The following ZNF276 variants were observed in gnomAD, a reference collection of about 807,000 sequenced individuals.
The protein encoded by ZNF276 is zinc finger protein 276, also known as centromere protein Z.
Under a neutral mutation model 63.9 loss-of-function variants are expected in ZNF276, and 59 were observed. That is an observed-to-expected ratio of 0.92 (90% CI 0.75 to 1.15). The LOEUF (loss-of-function observed/expected upper bound fraction) is 1.15, where lower values mean the gene tolerates loss of function less well. ZNF276 is among the 50% of genes most tolerant of loss of function. The pLI is 0.00. For missense variants in ZNF276, 1,084 were observed against 843.8 expected, an observed-to-expected ratio of 1.28 and a Z score of -3.53; for synonymous variants, 496 against 348.4, an observed-to-expected ratio of 1.42 and a Z score of -4.72.
intron 9 of ZNF276, among the ~76,000 whole-genome samples, chr16:89,734,627 G>GTATC (rs113751108): frequency 0.045 from 6,788 of 152,190 alleles, 374 homozygotes; most frequent in African/African-American, 0.12. Context: ...CCAAACAAGT[G>GTATC]TATCTTAAAA....
At chr16:89,720,794 G>T, upstream of ZNF276, 1 of 1,460,204 alleles carries the variant, frequency 6.8e-7, no homozygotes, top group Non-Finnish European at 9.1e-7. Flanking sequence ...CAGCTCGATG[G>T]CCCCGTTGGC....
upstream of ZNF276, chr16:89,721,493 CCGCCCCGCCCGCCT>C: frequency 1.2e-6 from 1 of 806,278 alleles, no homozygotes; most frequent in Non-Finnish European, 1.8e-6. Context: ...GGCCCCTGGC[CCGCCCCGCCCGCCT>C]CGCTTTGCTT....
intron 9 of ZNF276, among the ~76,000 whole-genome samples, chr16:89,736,146 C>T (rs2061872682): frequency 6.6e-6 from 1 of 152,182 alleles, no homozygotes; most frequent in African/African-American, 2.4e-5. Flanking sequence ...CTGCCTCGGC[C>T]TCCCGAAGTG....
At chr16:89,736,771 G>A (rs529341050) in intron 9 of ZNF276, among the ~76,000 whole-genome samples, 2 of 128,320 alleles carry the variant, frequency 1.6e-5, no homozygotes, top group South Asian at 2.7e-4. Flanking sequence ...CTTCAACCTG[G>A]GCAACAGAGC....
chr16:89,737,598 C>A, intron 9 of ZNF276: 1 of 892,172 alleles, frequency 1.1e-6, no homozygotes, highest in Non-Finnish European at 1.6e-6. Flanking sequence ...CTGAAATGCA[C>A]ACAGCTGATG....
At chr16:89,723,112 T>C in intron 2 of ZNF276, 25 bp from the exon 3 acceptor site, 2 of 1,613,132 alleles carry the variant, frequency 1.2e-6, no homozygotes, top group Non-Finnish European at 8.5e-7. Context: ...CTTGTCCTGC[T>C]CATGGCCACA....
intron 8 of ZNF276, 108 bp downstream of exon 8, chr16:89,733,665 T>C (rs185012025): frequency 7.6e-6 from 10 of 1,322,744 alleles, no homozygotes; most frequent in African/African-American, 7.2e-5. Flanking sequence ...AAGGACACTT[T>C]GACCTAGGTT....
rs769505201 is a variant in ZNF276 at position 89,739,092 on chromosome 16, G to A, written c.*846G>A. 11 of 1,613,732 alleles carry A rather than the reference G, an allele frequency of 6.8e-6. No homozygotes were observed. The highest frequency in any genetic ancestry group is 1.7e-5 in the Admixed American group (1 of 60,000). On this transcript the variant is annotated 3_prime_UTR_variant, in exon 11 of 11. Transcript: ENST00000443381. ...CTTTGGCAGAAGGAGCCTCCGGCTG[G>A]GGGGAGCTCCCCTGGAGGTGGGACT...
intron 9 of ZNF276, among the ~76,000 whole-genome samples, chr16:89,734,349 G>C (rs771584903): frequency 1.3e-5 from 2 of 152,008 alleles, no homozygotes. Context: ...TTTTTGAGAC[G>C]GAGTCCTGCT....
chr16:89,736,896 C>G (rs1567586230), intron 9 of ZNF276, among the ~76,000 whole-genome samples: 1 of 150,444 alleles, frequency 6.6e-6, no homozygotes, highest in Non-Finnish European at 1.5e-5. Context: ...CAGAGCAAGA[C>G]TCAAGTCTCA....
chr16:89,739,514 TC>T lies in ZNF276; in HGVS notation c.*1270del, dbSNP rs2151712879. On this transcript the variant is annotated 3_prime_UTR_variant, in exon 11 of 11. Coordinates refer to ENST00000443381, the MANE Select transcript of ZNF276 (RefSeq NM_001113525.2). ...GAAAGGCAGCAGCCTGGTGTGCTGA[TC>T]CGGGGCCACACGGAGGAGGAGCCGC... 6.4e-7 allele frequency: 1 copy of T among 1,551,366 alleles called. No homozygotes were observed. The highest frequency in any genetic ancestry group is 2.4e-5 in the East Asian group (1 of 40,940).
upstream of ZNF276, chr16:89,720,836 G>A (rs1262543954): frequency 2.1e-6 from 3 of 1,436,438 alleles, no homozygotes; most frequent in Non-Finnish European, 2.8e-6. Flanking sequence ...CGGCTTCACC[G>A]TGCCGTCCCC....
In ZNF276 at chr16:89,723,298, T is replaced by C. The variant is rs2061366373; in HGVS notation, c.595T>C (p.Leu199=). ...ITSSPQCLHG[L]VGWVHGHAAS... Reference sequence around the variant, plus strand: ...ATCCAGCCCCCAGTGCCTGCACGGCTTGGTGGGGTGGGTGCATGGACATGC... The same window carrying C: ...ATCCAGCCCCCAGTGCCTGCACGGCCTGGTGGGGTGGGTGCATGGACATGC... Residue 199 remains leucine, a synonymous_variant, in exon 4 of 11, where the codon TTG becomes CTG. Coordinates refer to ENST00000443381, the MANE Select transcript of ZNF276 (RefSeq NM_001113525.2). The C allele has an allele frequency of 1.2e-6, 2 of 1,612,956 alleles. No homozygotes were observed. Among genetic ancestry groups the C allele is most frequent in the African/African-American group, 1.3e-5 (1 of 74,944 alleles).
intron 9 of ZNF276, 118 bp downstream of exon 9, chr16:89,734,156 T>C (rs1482426443): frequency 1.3e-5 from 11 of 861,984 alleles, no homozygotes; most frequent in African/African-American, 8.4e-5. Context: ...AGGTGGCTCA[T>C]GGGGTCTTTG....
chr16:89,739,583 T>C lies in ZNF276; in HGVS notation c.*1337T>C. 6.5e-7 allele frequency: 1 copy of C among 1,547,452 alleles called. No individual in the cohort carries two copies. The highest frequency in any genetic ancestry group is 8.7e-7 in the Non-Finnish European group (1 of 1,143,904). ...AACACCAAGAAGTGGCTCAGGCAAC[T>C]CTGGACATCTCTGCCTATTATCAGT... On this transcript the variant is annotated 3_prime_UTR_variant, in exon 11 of 11. Transcript: ENST00000443381.
Position 89,722,607 on chromosome 16 carries a change from C to G in ZNF276, c.282C>G (p.Ile94Met), listed in dbSNP as rs147776546. 1.2e-6 allele frequency: 2 copies of G among 1,612,064 alleles called. No homozygotes were observed. Among genetic ancestry groups the G allele is most frequent in the Non-Finnish European group, 1.7e-6 (2 of 1,180,022 alleles). Residue 94 changes from isoleucine (I) to methionine (M), a missense_variant, in exon 2 of 11, where the codon ATC (isoleucine) becomes ATG (methionine). Ile to Met is a conservative substitution (Grantham distance 10, BLOSUM62 1). Transcript: ENST00000443381. ...GKFSSRSLRS[I>M]SERAPGASME... ...TTTCCTCGAGAAGCCTGCGCAGCATCTCCGAGAGGGCGCCTGGAGCGAGCA... is the reference window on the plus strand; with the variant it reads ...TTTCCTCGAGAAGCCTGCGCAGCATGTCCGAGAGGGCGCCTGGAGCGAGCA...
rs921021256 is a variant in ZNF276, at chr16:89,740,709, C to A, written c.*2463C>A. 1.0e-6 allele frequency: 1 copy of A among 986,136 alleles called. No homozygotes were observed. Among genetic ancestry groups the A allele is most frequent in the Non-Finnish European group, 1.6e-6 (1 of 623,202 alleles). The allele number at this position is 986,136 out of a possible 1,614,324, so 61.1% of individuals were successfully genotyped here. On this transcript the variant is annotated 3_prime_UTR_variant, in exon 11 of 11. Transcript: ENST00000443381. ...TCCGCAAACACAAGGAGCTCCTGAG[C>A]TAGTCTGGAAACCCTGACTTGGAAG... is the stretch of plus-strand genomic sequence containing the variant.
chr16:89,722,813 G>C lies in ZNF276; in HGVS notation c.488G>C (p.Gly163Ala). 1 of 1,604,068 alleles carries C rather than the reference G, an allele frequency of 6.2e-7. No homozygotes were observed. Among genetic ancestry groups the C allele is most frequent in the Non-Finnish European group, 8.5e-7 (1 of 1,179,884 alleles). The change falls in exon 2 of 11, where the codon GGT becomes GCT. Residue 163 changes from glycine (G) to alanine (A), a missense_variant. Gly to Ala is a moderately conservative substitution (Grantham distance 60). Transcript: ENST00000443381. Reference protein sequence around the residue: ...FLQRVNASPAGRRKPCAKVGA... With the variant: ...FLQRVNASPAARRKPCAKVGA... The stretch of plus-strand genomic sequence containing the variant: ...CAGAGGGTCAACGCCTCCCCGGCTG[G>C]TCGCCGGAAGCCTTGTGCAAAGTAC...
Position 89,722,812 on chromosome 16 carries a change from G to A in ZNF276, c.487G>A (p.Gly163Ser), listed in dbSNP as rs748405201. The A allele has an allele frequency of 1.9e-6, 3 of 1,604,266 alleles. No individual in the cohort carries two copies. Among genetic ancestry groups the A allele is most frequent in the African/African-American group, 2.7e-5 (2 of 74,938 alleles). The change falls in exon 2 of 11, where the codon GGT (glycine) becomes AGT (serine). Residue 163 changes from glycine to serine, a missense_variant. Physicochemically the swap from Gly to Ser is moderately conservative, Grantham distance 56. Transcript: ENST00000443381. ...GCAGAGGGTCAACGCCTCCCCGGCT[G>A]GTCGCCGGAAGCCTTGTGCAAAGTA... ...FLQRVNASPA[G>S]RRKPCAKVGA... is the part of the protein sequence containing the mutation.
Sources: gnomAD v4.1 joint callset for allele counts (sites outside exome capture counted in the v4.1 genomes callset) on GRCh38, gnomAD v4.1.1 for gene constraint, MANE v1.5 for transcripts, NCBI Gene and HGNC (gene_info 2026-07-23, HGNC 2026-07-21) for gene names.